Variants in MICAL3 observed in about 807,000 individuals in gnomAD.
MICAL3 encodes the protein [F-actin]-monooxygenase MICAL3.
MICAL3 carries 62 observed loss-of-function variants against 207.4 expected under a neutral mutation model. The ratio of observed to expected loss-of-function variants is 0.30; its 90% confidence interval spans 0.24 to 0.37. The LOEUF (loss-of-function observed/expected upper bound fraction) is 0.37. Among genes scored for constraint, MICAL3 ranks in the 10% least tolerant of loss-of-function variants. The probability of loss-of-function intolerance (pLI) is 1.00; values close to 1 mark genes in which losing one functional copy is unlikely to be tolerated. For missense variants in MICAL3, 2,368 were observed against 2,635.6 expected, an observed-to-expected ratio of 0.90 and a Z score of 2.22; for synonymous variants, 1,077 against 1,069.3, an observed-to-expected ratio of 1.01 and a Z score of -0.14.
At chr22:17,971,705 T>G (rs908597634) in intron 1 of MICAL3, among the ~76,000 whole-genome samples, 3 of 152,164 alleles carry the variant, frequency 2.0e-5, no homozygotes, top group African/African-American at 7.2e-5. Flanking sequence ...AACGTCAATA[T>G]ATAGATACAT....
At chr22:17,826,534 GACAAAT>G in intron 22 of MICAL3, 2 of 984,762 alleles carry the variant, frequency 2.0e-6, no homozygotes, top group Non-Finnish European at 2.4e-6. Context: ...TAAAACAGAC[GACAAAT>G]ACAAAGTTAC....
At chr22:17,876,853 TTATGGAGGTTAG>T (rs1928521273) in intron 16 of MICAL3, 3 of 139,182 alleles carry the variant, frequency 2.2e-5, no homozygotes, top group Admixed American at 6.9e-5. Context: ...GTTAGGGAGG[TTATGGAGGTTAG>T]GGAGGTTAGG....
At chr22:17,939,923 C>A (rs1198834069) in intron 1 of MICAL3, among the ~76,000 whole-genome samples, 1 of 152,170 alleles carries the variant, frequency 6.6e-6, no homozygotes, top group Non-Finnish European at 1.5e-5. Flanking sequence ...ATGACCTGAG[C>A]CCTTTTCCGC....
At chr22:17,830,641 T>C (rs904517489) in intron 21 of MICAL3, among the ~76,000 whole-genome samples, 9 of 152,092 alleles carry the variant, frequency 5.9e-5, no homozygotes, top group African/African-American at 1.9e-4. Context: ...CACGGCAGCA[T>C]GGAGGGAGAG....
At chr22:17,989,984 G>C (rs757229578) in intron 1 of MICAL3, among the ~76,000 whole-genome samples, 23 of 152,168 alleles carry the variant, frequency 1.5e-4, no homozygotes, top group Non-Finnish European at 2.6e-4. Flanking sequence ...GCAGAGACAA[G>C]GTCGTAGTAC....
At chr22:17,865,047 C>T (rs1027493028) in intron 18 of MICAL3, 61 bp from the exon 19 acceptor site, 70 of 1,492,306 alleles carry the variant, frequency 4.7e-5, no homozygotes, top group Middle Eastern at 2.0e-4. Flanking sequence ...ATCCTCAAAT[C>T]CCTAGAGGCA....
chr22:17,811,791 CT>C (rs1348096946), intron 27 of MICAL3, among the ~76,000 whole-genome samples: 2 of 152,190 alleles, frequency 1.3e-5, no homozygotes, highest in African/African-American at 4.8e-5. Context: ...GTCACCCAGG[CT>C]GGGGGGCAGT....
intron 1 of MICAL3, among the ~76,000 whole-genome samples, chr22:17,941,880 G>T (rs1933822588): frequency 6.6e-6 from 1 of 152,170 alleles, no homozygotes; most frequent in South Asian, 2.1e-4. Context: ...GTGCCTCCAG[G>T]GCCCAGGAGG....
rs1569110263 is a variant in MICAL3 at position 17,877,342 on chromosome 22, G to GGGAGGTTAGGGAGGTTAGGGAGGTTAT, written c.2242-5320_2242-5319insATAACCTCCCTAACCTCCCTAACCTCC. ...GAGGTTAGGGAGGTTATGGAGGTTAGGGAGGTTAGGGAGGTTATGGAGGTT... is the reference window on the plus strand; with the variant it reads ...GAGGTTAGGGAGGTTATGGAGGTTAGGGAGGTTAGGGAGGTTAGGGAGGTTATGGAGGTTAGGGAGGTTATGGAGGTT... On this transcript the variant is annotated intron_variant, in intron 16 of 31. Coordinates refer to ENST00000441493, the MANE Select transcript of MICAL3 (RefSeq NM_015241.3). Among the ~76,000 whole-genome samples, 94 of 20,418 alleles carry GGGAGGTTAGGGAGGTTAGGGAGGTTAT rather than the reference G, an allele frequency of 4.6e-3. 15 individuals carry two copies. The highest frequency in any genetic ancestry group is 9.5e-3 in the East Asian group (6 of 632). The allele number at this position is 20,418 out of a possible 152,430, so 13.4% of individuals were successfully genotyped here.
intron 1 of MICAL3, among the ~76,000 whole-genome samples, chr22:17,926,676 A>G (rs1932937345): frequency 6.6e-6 from 1 of 152,152 alleles, no homozygotes; most frequent in Admixed American, 6.6e-5. Flanking sequence ...TGGCCTCCAC[A>G]CCGCTCCTAC....
chr22:17,990,892 G>A (rs1328829277), intron 1 of MICAL3, among the ~76,000 whole-genome samples: 4 of 152,140 alleles, frequency 2.6e-5, no homozygotes, highest in African/African-American at 7.2e-5. Flanking sequence ...CAAACCCCTT[G>A]ACCTCTTTTA....
rs1921751473 is a variant in MICAL3 at position 17,992,127 on chromosome 22, A to AT, written c.-75+32153dup. Among the ~76,000 whole-genome samples the AT allele has an allele frequency of 3.3e-5, 5 of 152,296 alleles. No homozygotes were observed. The South Asian group carries it at 1.0e-3, about 32-fold the overall frequency. ...CCACTTGGGGCACCTATATCTCTCG[A>AT]TGAGTAGCTGGGCAAGGACAAGCAC... On this transcript the variant is annotated intron_variant, in intron 1 of 31. Coordinates refer to ENST00000441493, the MANE Select transcript of MICAL3 (RefSeq NM_015241.3).
At position 17,893,912 on chromosome 22, in the gene MICAL3, A is replaced by T; in HGVS notation, c.1450-8T>A. The T allele has an allele frequency of 1.9e-6, 3 of 1,541,670 alleles. No homozygotes were observed. In the South Asian group the frequency reaches 3.6e-5, roughly 18 times the overall value. On this transcript the variant is annotated splice_region_variant and splice_polypyrimidine_tract_variant and intron_variant, in intron 10 of 31. Coordinates refer to ENST00000441493, the MANE Select transcript of MICAL3 (RefSeq NM_015241.3). ...ATCATATAAATGGCGCACCTGGCAGAAATTTACAAAGTCAAACAGAAAGAA... is the reference window on the plus strand; with the variant it reads ...ATCATATAAATGGCGCACCTGGCAGTAATTTACAAAGTCAAACAGAAAGAA...
At chr22:17,836,285 C>G (rs1923356339) in intron 20 of MICAL3, among the ~76,000 whole-genome samples, 1 of 152,234 alleles carries the variant, frequency 6.6e-6, no homozygotes, top group Admixed American at 6.5e-5. Flanking sequence ...CGCGTGCCCG[C>G]AGCACAAAGT....
At chr22:17,791,433 A>C (rs1454568523) in intron 29 of MICAL3, 132 bp from the exon 30 acceptor site, 1 of 778,576 alleles carries the variant, frequency 1.3e-6, no homozygotes, top group Non-Finnish European at 2.1e-6. Context: ...AGCCAGGCCC[A>C]AGGTTTGCCT....
At chr22:17,837,671 T>A (rs1923541150) in intron 20 of MICAL3, among the ~76,000 whole-genome samples, 1 of 152,174 alleles carries the variant, frequency 6.6e-6, no homozygotes, top group Non-Finnish European at 1.5e-5. Context: ...GGTAGAGGCA[T>A]GAAGCTGATT....
intron 19 of MICAL3, chr22:17,864,447 A>C (rs1005785038): frequency 1.6e-5 from 22 of 1,417,802 alleles, no homozygotes; most frequent in Non-Finnish European, 1.8e-5. Context: ...TAATCAACAC[A>C]GCTCCAGGCC....
chr22:17,925,747 C>A (rs1204689110), intron 1 of MICAL3, among the ~76,000 whole-genome samples: 1 of 152,126 alleles, frequency 6.6e-6, no homozygotes, highest in African/African-American at 2.4e-5. Flanking sequence ...TTTCCCGGCA[C>A]CCCTCCTTCC....
chr22:17,798,673 C>CTT (rs375673869), intron 29 of MICAL3, among the ~76,000 whole-genome samples: 3,235 of 130,610 alleles, frequency 0.025, 264 homozygotes, highest in African/African-American at 0.092. Flanking sequence ...GGAGCAATGC[C>CTT]TTTTTTTTTT....
Sources: allele counts gnomAD v4.1 joint callset (sites outside exome capture counted in the v4.1 genomes callset), GRCh38; gene constraint gnomAD v4.1.1; transcripts MANE v1.5; gene names NCBI Gene and HGNC (gene_info 2026-07-23, HGNC 2026-07-21).